The following TRIP12 variants were observed in gnomAD, a reference collection of about 807,000 sequenced individuals.
TRIP12 encodes the protein E3 ubiquitin-protein ligase TRIP12.
Under a neutral mutation model 244.2 loss-of-function variants are expected in TRIP12, and 25 were observed. The observed-to-expected ratio is 0.10, with a 90% CI of 0.07 to 0.14. The LOEUF (loss-of-function observed/expected upper bound fraction) is 0.14. TRIP12 is among the 10% of genes least tolerant of loss of function. The pLI, the probability that TRIP12 is intolerant of heterozygous loss-of-function variation, is 1.00. For synonymous variants in TRIP12, 905 were observed against 873.1 expected, an observed-to-expected ratio of 1.04 and a Z score of -0.64; for missense variants, 1,677 against 2,486.4, an observed-to-expected ratio of 0.67 and a Z score of 6.92.
intron 37 of TRIP12, among the ~76,000 whole-genome samples, chr2:229,776,503 A>G (rs927791216): frequency 1.3e-5 from 2 of 152,218 alleles, no homozygotes; most frequent in Non-Finnish European, 2.9e-5. Context: ...GATAAAGTGA[A>G]TCTTACAAAT....
At chr2:229,826,236 T>C (rs1055813711) in intron 8 of TRIP12, among the ~76,000 whole-genome samples, 4 of 152,200 alleles carry the variant, frequency 2.6e-5, no homozygotes, top group African/African-American at 7.2e-5. Flanking sequence ...CCCTATTACA[T>C]AGGTACTTAG....
intron 4 of TRIP12, among the ~76,000 whole-genome samples, chr2:229,858,121 T>C (rs187672166): frequency 2.6e-5 from 4 of 152,326 alleles, no homozygotes; most frequent in African/African-American, 9.6e-5. Flanking sequence ...CCCCACACTT[T>C]GGGAGGCCGA....
intron 4 of TRIP12, among the ~76,000 whole-genome samples, chr2:229,853,255 C>CT (rs1489515487): frequency 6.6e-6 from 1 of 152,150 alleles, no homozygotes; most frequent in East Asian, 1.9e-4. Flanking sequence ...ATGGCCTACT[C>CT]TATTTTTAAT....
At chr2:229,862,640 A>G (rs931581096) in intron 2 of TRIP12, among the ~76,000 whole-genome samples, 9 of 152,204 alleles carry the variant, frequency 5.9e-5, no homozygotes, top group Non-Finnish European at 1.2e-4. Context: ...TAAATGCCCA[A>G]AACAATTAAA....
intron 1 of TRIP12, among the ~76,000 whole-genome samples, chr2:229,908,532 CAGG>C (rs933144819): frequency 2.6e-5 from 4 of 151,026 alleles, no homozygotes; most frequent in African/African-American, 9.7e-5. Flanking sequence ...ATCACAAGAT[CAGG>C]AGATCAAGAC....
intron 34 of TRIP12, among the ~76,000 whole-genome samples, chr2:229,780,668 C>G (rs907646512): frequency 6.6e-6 from 1 of 152,198 alleles, no homozygotes; most frequent in Non-Finnish European, 1.5e-5. Context: ...GCTAGAGATA[C>G]TCTTCCCCCA....
At chr2:229,853,996 CAT>C (rs772272027) in intron 4 of TRIP12, among the ~76,000 whole-genome samples, 1 of 152,118 alleles carries the variant, frequency 6.6e-6, no homozygotes, top group Non-Finnish European at 1.5e-5. Context: ...ATATAGGTTA[CAT>C]GTTTACATAT....
At chr2:229,915,629 A>AG (rs2075235719) in intron 1 of TRIP12, among the ~76,000 whole-genome samples, 1 of 7,014 alleles carries the variant, frequency 1.4e-4, no homozygotes, top group Non-Finnish European at 4.6e-3. Flanking sequence ...TAAAAGTTAA[A>AG]AAAAGGGTGA....
intron 34 of TRIP12, among the ~76,000 whole-genome samples, chr2:229,784,272 A>G (rs2039301155): frequency 6.6e-6 from 1 of 151,666 alleles, no homozygotes; most frequent in African/African-American, 2.4e-5. Context: ...TTTCCCACAA[A>G]GGGGTCAAGG....
At chr2:229,907,968 T>G (rs917847238) in intron 1 of TRIP12, among the ~76,000 whole-genome samples, 14 of 149,476 alleles carry the variant, frequency 9.4e-5, no homozygotes, top group Admixed American at 9.3e-4. Context: ...AGAACTAGTG[T>G]CAAAAAAAAA....
intron 12 of TRIP12, 65 bp from the exon 13 acceptor site, chr2:229,814,096 T>G (rs961763943): frequency 6.6e-7 from 1 of 1,513,732 alleles, no homozygotes; most frequent in Non-Finnish European, 9.0e-7. Context: ...ATAATTTAAC[T>G]CATAAAAAGT....
At chr2:229,863,204 G>A (rs2154339021) in intron 2 of TRIP12, among the ~76,000 whole-genome samples, 1 of 150,556 alleles carries the variant, frequency 6.6e-6, no homozygotes, top group East Asian at 1.9e-4. Context: ...ACTCCAGCCT[G>A]GGTGACAGGG....
intron 15 of TRIP12, among the ~76,000 whole-genome samples, chr2:229,809,634 A>G (rs1289671542): frequency 6.6e-6 from 1 of 152,216 alleles, no homozygotes; most frequent in East Asian, 1.9e-4. Context: ...AGTAAGTAAA[A>G]TGAATTGCGG....
chr2:229,778,640 A>C lies in TRIP12; in HGVS notation c.5210-53T>G. 1.3e-6 allele frequency: 2 copies of C among 1,578,346 alleles called. No individual in the cohort carries two copies. Among genetic ancestry groups the C allele is most frequent in the South Asian group, 1.2e-5 (1 of 86,210 alleles). ...CAGATGATGTTTCCAAAAACAAAAC[A>C]AAACCTGGTAACTAAGAACATTTAA... On this transcript the variant is annotated intron_variant, in intron 35 of 41. Transcript: ENST00000675903. The surrounding 1 kb of genome is among the most constrained non-coding windows in gnomAD (Gnocchi z 4.1).
chr2:229,792,118 A>G (rs2041681939), intron 28 of TRIP12, 35 bp downstream of exon 28: 1 of 1,613,908 alleles, frequency 6.2e-7, no homozygotes, highest in South Asian at 1.1e-5. Flanking sequence ...AACTTTATAT[A>G]GTACATTATA....
Position 229,811,185 on chromosome 2 carries a change from C to T in TRIP12, c.2006G>A (p.Ser669Asn). The change falls in exon 14 of 42, where the codon AGC (serine) becomes AAC (asparagine). Residue 669 changes from serine (S) to asparagine (N), a missense_variant. Ser to Asn is a conservative substitution (Grantham distance 46). Transcript: ENST00000675903. ...LTHQDKKSVE[S>N]TCLCFARLVD... is the part of the protein sequence containing the mutation. ...TAGGCGTGCAAAACAAAGGCAAGTG[C>T]TTTCTACTGACTTTTTATCCTATTT... 1 of 1,613,856 alleles carries T rather than the reference C, an allele frequency of 6.2e-7. No homozygotes were observed. Among genetic ancestry groups the T allele is most frequent in the South Asian group, 1.1e-5 (1 of 91,024 alleles).
chr2:229,846,731 A>T (rs951430274), intron 4 of TRIP12, among the ~76,000 whole-genome samples: 1 of 152,244 alleles, frequency 6.6e-6, no homozygotes, highest in Non-Finnish European at 1.5e-5. Flanking sequence ...CTTTTATTTT[A>T]AAATAACTCA....
chr2:229,922,957 G>A (rs1266976591), upstream of TRIP12, among the ~76,000 whole-genome samples: 3 of 152,214 alleles, frequency 2.0e-5, no homozygotes, highest in Admixed American at 6.5e-5. Context: ...GCGTGAGAAG[G>A]AGGGAAAGAA....
rs142638576 is a variant in TRIP12 at position 229,897,050 on chromosome 2, G to A, written c.-49-16922C>T. Among the ~76,000 whole-genome samples the A allele has an allele frequency of 2.3e-3, 357 of 152,280 alleles. 1 individual carries two copies. The highest frequency in any genetic ancestry group is 8.0e-3 in the African/African-American group (332 of 41,560). The stretch of plus-strand genomic sequence containing the variant: ...GTGGGGGATGTTGATCACAGGAAAA[G>A]GCTATGCATGTTGAGGGGTAGAGGA... On this transcript the variant is annotated intron_variant, in intron 1 of 41. Transcript: ENST00000675903.
Sources: gnomAD v4.1 joint callset for allele counts (sites outside exome capture counted in the v4.1 genomes callset) on GRCh38, gnomAD v4.1.1 for gene constraint, Gnocchi (gnomAD v3.1) non-coding constraint, MANE v1.5 for transcripts, NCBI Gene and HGNC (gene_info 2026-07-23, HGNC 2026-07-21) for gene names.